Variants in TCEA1 observed in about 807,000 individuals in gnomAD.
TCEA1 encodes the protein transcription elongation factor A1, also known as transcription elongation factor A protein 1.
TCEA1 carries 21 observed loss-of-function variants against 43.8 expected under a neutral mutation model. The ratio of observed to expected loss-of-function variants is 0.48; its 90% CI spans 0.34 to 0.69. The LOEUF (loss-of-function observed/expected upper bound fraction) is 0.69. Among genes scored for constraint, TCEA1 ranks in the 30% least tolerant of loss-of-function variants. The pLI, the probability that TCEA1 is intolerant of heterozygous loss-of-function variation, is 0.01. For synonymous variants in TCEA1, 104 were observed against 117.5 expected (o/e 0.88, Z 0.75); for missense variants, 250 against 365.1 (o/e 0.68, Z 2.57).
intron 7 of TCEA1, among the ~76,000 whole-genome samples, chr8:53,983,668 CA>C (rs34669112): frequency 0.39 from 55,437 of 141,314 alleles, 14,532 homozygotes; most frequent in East Asian, 0.74. Flanking sequence ...AATTTCGTAT[CA>C]AAAAAAAAAA....
intron 4 of TCEA1, among the ~76,000 whole-genome samples, chr8:53,992,251 G>A (rs781733673): frequency 6.6e-5 from 10 of 151,932 alleles, no homozygotes; most frequent in Non-Finnish European, 1.2e-4. Flanking sequence ...GGTGGAGGTG[G>A]CAGTGAGTCG....
chr8:54,011,620 T>C (rs565714435), intron 1 of TCEA1, among the ~76,000 whole-genome samples: 1 of 152,264 alleles, frequency 6.6e-6, no homozygotes, highest in East Asian at 1.9e-4. Context: ...TACAAATCAA[T>C]GAAATACACG....
rs1485204370 is a variant in TCEA1, at chr8:54,021,964, C to T, written c.63+99G>A. Reference sequence around the variant, plus strand: ...GCGGGCCCGGCTCCCAGACGGGAGGCTGCAGGGGGAGGGGAGGGAGAAGGA... The same window carrying T: ...GCGGGCCCGGCTCCCAGACGGGAGGTTGCAGGGGGAGGGGAGGGAGAAGGA... On this transcript the variant is annotated intron_variant, in intron 1 of 9. Coordinates refer to ENST00000521604, the MANE Select transcript of TCEA1 (RefSeq NM_006756.4). The T allele has an allele frequency of 2.5e-5, 30 of 1,212,904 alleles. No individual in the cohort carries two copies. In the East Asian group the frequency reaches 9.9e-4, roughly 40 times the overall value. The allele number at this position is 1,212,904 out of a possible 1,614,324, so 75.1% of individuals were successfully genotyped here.
intron 1 of TCEA1, 155 bp downstream of exon 1, chr8:54,021,908 C>T (rs1805048430): frequency 9.8e-6 from 6 of 612,982 alleles, no homozygotes; most frequent in Non-Finnish European, 1.5e-5. Flanking sequence ...ACGCCCCGGG[C>T]CCGGACACCC....
At chr8:53,999,183 C>T (rs1323309944) in intron 3 of TCEA1, among the ~76,000 whole-genome samples, 3 of 142,754 alleles carry the variant, frequency 2.1e-5, no homozygotes, top group African/African-American at 8.0e-5. Flanking sequence ...CGAGATTGCA[C>T]CACTGCACTC....
rs1334349626 is a variant in TCEA1, at chr8:53,986,952, A to G, written c.523+17T>C. ...CTTATTAAAAAAAACAATTATGAATATACACACAAAGGATATCTTCTTCAA... is the reference window on the plus strand; with the variant it reads ...CTTATTAAAAAAAACAATTATGAATGTACACACAAAGGATATCTTCTTCAA... On this transcript the variant is annotated intron_variant, in intron 6 of 9. Coordinates refer to ENST00000521604, the MANE Select transcript of TCEA1 (RefSeq NM_006756.4). 7 of 1,564,056 alleles carry G rather than the reference A, an allele frequency of 4.5e-6. No individual in the cohort carries two copies. The highest frequency in any genetic ancestry group is 6.1e-6 in the Non-Finnish European group (7 of 1,156,286).
At chr8:54,004,295 GAAC>G (rs199657008) in intron 2 of TCEA1, among the ~76,000 whole-genome samples, 2,388 of 152,182 alleles carry the variant, frequency 0.016, 33 homozygotes, top group Admixed American at 0.027. Flanking sequence ...ATCTACACAA[GAAC>G]AACAAAAACA....
intron 1 of TCEA1, chr8:54,021,792 G>C: frequency 3.0e-6 from 1 of 335,550 alleles, no homozygotes; most frequent in Non-Finnish European, 5.3e-6. Flanking sequence ...TCAACGGAGA[G>C]CGTGCCCTAA....
rs1183112565 is a variant in TCEA1 at position 53,993,767 on chromosome 8, G to A, written c.233-12C>T. The A allele has an allele frequency of 1.2e-6, 2 of 1,605,710 alleles. No homozygotes were observed. The highest frequency in any genetic ancestry group is 1.7e-6 in the Non-Finnish European group (2 of 1,176,334). ...AGTTGATGGCCCATCTGAAAATTAT[G>A]AAATCTCTTAAGTTGCTAGCATTTG... On this transcript the variant is annotated splice_polypyrimidine_tract_variant and intron_variant, in intron 3 of 9. Transcript: ENST00000521604.
At chr8:54,004,625 G>C (rs1804380078) in intron 2 of TCEA1, among the ~76,000 whole-genome samples, 1 of 152,180 alleles carries the variant, frequency 6.6e-6, no homozygotes, top group Admixed American at 6.5e-5. Flanking sequence ...GAAGGAGGAA[G>C]ACCAGTTGGG....
At chr8:54,017,963 G>A (rs1321803505) in intron 1 of TCEA1, among the ~76,000 whole-genome samples, 2 of 152,090 alleles carry the variant, frequency 1.3e-5, no homozygotes, top group African/African-American at 2.4e-5. Flanking sequence ...GGGTAGGGAG[G>A]GGGGATAGTG....
intron 8 of TCEA1, chr8:53,973,814 G>A: frequency 5.0e-6 from 2 of 400,248 alleles, no homozygotes; most frequent in Non-Finnish European, 4.8e-6. Flanking sequence ...CAAAAGCTGT[G>A]GAAAAAACCC....
chr8:53,968,162 T>C (rs896658248), intron 9 of TCEA1, 50 bp from the exon 10 acceptor site: 1 of 1,437,958 alleles, frequency 7.0e-7, no homozygotes, highest in Non-Finnish European at 9.5e-7. Context: ...ACCAATAAGG[T>C]ACATTCCCCA....
chr8:54,016,622 T>C (rs904687907), intron 1 of TCEA1, among the ~76,000 whole-genome samples: 1 of 151,966 alleles, frequency 6.6e-6, no homozygotes, highest in African/African-American at 2.4e-5. Flanking sequence ...GTAGATCACC[T>C]GAGATCAGGA....
rs1330271836 is a variant in TCEA1 at position 53,967,123 on chromosome 8, T to TCTA, written c.*978_*980dup. 1 of 211,746 alleles carries TCTA rather than the reference T, an allele frequency of 4.7e-6. No homozygotes were observed. Among genetic ancestry groups the TCTA allele is most frequent in the Non-Finnish European group, 9.6e-6 (1 of 104,226 alleles). 13.1% of individuals were successfully genotyped at this position (211,746 alleles called of 1,614,324 possible). A position where few individuals can be genotyped will look rare whatever the true frequency, so the allele number is the denominator to read the frequency against. On this transcript the variant is annotated 3_prime_UTR_variant, in exon 10 of 10. Coordinates refer to ENST00000521604, the MANE Select transcript of TCEA1 (RefSeq NM_006756.4). ...AATAAGACTTGGGACAAAATTATTT[T>TCTA]CTATCAGTCTCCACATGGAAAGACC...
Position 54,022,384 on chromosome 8 carries a change from T to G in TCEA1, c.-259A>C. ...CTACCAACTGACTGCAGATCGCTGGTGAGGGGCGAGCCCATGTTCCCGCCA... is the reference window on the plus strand; with the variant it reads ...CTACCAACTGACTGCAGATCGCTGGGGAGGGGCGAGCCCATGTTCCCGCCA... On this transcript the variant is annotated 5_prime_UTR_variant, in exon 1 of 10. Transcript: ENST00000521604. 1.9e-6 allele frequency: 1 copy of G among 525,110 alleles called. No homozygotes were observed. Among genetic ancestry groups the G allele is most frequent in the African/African-American group, 2.0e-5 (1 of 49,018 alleles). 32.5% of individuals were successfully genotyped at this position (525,110 alleles called of 1,614,324 possible). A position where few individuals can be genotyped will look rare whatever the true frequency, so the allele number is the denominator to read the frequency against.
At chr8:54,017,092 C>CAGA (rs1447659251) in intron 1 of TCEA1, among the ~76,000 whole-genome samples, 1 of 151,356 alleles carries the variant, frequency 6.6e-6, no homozygotes, top group Non-Finnish European at 1.5e-5. Flanking sequence ...AACACACAGA[C>CAGA]AGAAAGTATA....
In TCEA1 at chr8:53,993,766, T is replaced by C. The variant is rs761716207; in HGVS notation, c.233-11A>G. On this transcript the variant is annotated splice_polypyrimidine_tract_variant and intron_variant, in intron 3 of 9. Coordinates refer to ENST00000521604, the MANE Select transcript of TCEA1 (RefSeq NM_006756.4). ...CAGTTGATGGCCCATCTGAAAATTA[T>C]GAAATCTCTTAAGTTGCTAGCATTT... The C allele has an allele frequency of 3.7e-6, 6 of 1,606,158 alleles. No homozygotes were observed. Among genetic ancestry groups the C allele is most frequent in the East Asian group, 4.5e-5 (2 of 44,846 alleles).
intron 2 of TCEA1, among the ~76,000 whole-genome samples, chr8:54,006,493 A>G (rs774903617): frequency 6.6e-6 from 1 of 152,092 alleles, no homozygotes; most frequent in Non-Finnish European, 1.5e-5. Context: ...GAAAAAAAAA[A>G]CCTCGAATGT....
Sources: gnomAD v4.1 joint callset for allele counts (sites outside exome capture counted in the v4.1 genomes callset) on GRCh38, gnomAD v4.1.1 for gene constraint, MANE v1.5 for transcripts, NCBI Gene and HGNC (gene_info 2026-07-23, HGNC 2026-07-21) for gene names.